Variants in TARBP1 observed in about 807,000 individuals in gnomAD.
TARBP1 encodes the protein tRNA guanosine 2 -O-methyltransferase TARBP1.
TARBP1 carries 144 observed loss-of-function variants against 178.6 expected under a neutral mutation model. That is an observed-to-expected ratio of 0.81 (90% CI 0.70 to 0.93). The LOEUF is 0.93. TARBP1 is among the 40% of genes least tolerant of loss of function. TARBP1 has a pLI of 0.00. For missense variants in TARBP1, 2,067 were observed against 2,011.7 expected, an observed-to-expected ratio of 1.03 and a Z score of -0.53; for synonymous variants, 787 against 781.0, an observed-to-expected ratio of 1.01 and a Z score of -0.13.
At chr1:234,413,000 C>T (rs1470966736) in intron 22 of TARBP1, among the ~76,000 whole-genome samples, 4 of 152,230 alleles carry the variant, frequency 2.6e-5, no homozygotes, top group African/African-American at 4.8e-5. Flanking sequence ...TGCGCCCCCT[C>T]GACCCCCGAC....
intron 18 of TARBP1, 93 bp from the exon 19 acceptor site, chr1:234,427,481 C>A (rs983569913): frequency 2.1e-6 from 3 of 1,440,596 alleles, no homozygotes; most frequent in African/African-American, 2.9e-5. Flanking sequence ...AATTTATATT[C>A]TTTTAATTGA....
intron 24 of TARBP1, among the ~76,000 whole-genome samples, chr1:234,403,429 C>T (rs989124380): frequency 6.6e-6 from 1 of 152,198 alleles, no homozygotes; most frequent in African/African-American, 2.4e-5. Context: ...ATTTCCTCAT[C>T]ACCACATTTA....
intron 26 of TARBP1, 181 bp downstream of exon 26, chr1:234,398,201 C>T: frequency 2.8e-6 from 1 of 355,130 alleles, no homozygotes; most frequent in East Asian, 4.7e-5. Context: ...CTAAGTTTCA[C>T]TAAAAGTGTT....
intron 11 of TARBP1, 131 bp from the exon 12 acceptor site, chr1:234,447,106 G>C: frequency 1.1e-6 from 1 of 951,006 alleles, no homozygotes; most frequent in South Asian, 1.4e-5. Flanking sequence ...GAAAGACCCA[G>C]ACAACCAGCA....
chr1:234,448,330 A>G, intron 11 of TARBP1, 150 bp downstream of exon 11: 2 of 613,304 alleles, frequency 3.3e-6, no homozygotes, highest in Non-Finnish European at 5.7e-6. Flanking sequence ...ATTAACTTTA[A>G]ACATTTCTTC....
intron 7 of TARBP1, 91 bp from the exon 8 acceptor site, chr1:234,459,417 C>A: frequency 1.0e-6 from 1 of 963,736 alleles, no homozygotes; most frequent in South Asian, 1.6e-5. Flanking sequence ...ATAACAACTA[C>A]ACTTCCTAAT....
intron 6 of TARBP1, among the ~76,000 whole-genome samples, chr1:234,461,243 T>C (rs909241779): frequency 6.6e-6 from 1 of 152,238 alleles, no homozygotes; most frequent in African/African-American, 2.4e-5. Context: ...AAGATAAGTA[T>C]TCTACTGTAC....
At chr1:234,404,559 G>T (rs1371437918) in intron 24 of TARBP1, among the ~76,000 whole-genome samples, 3 of 152,290 alleles carry the variant, frequency 2.0e-5, no homozygotes, top group South Asian at 2.1e-4. Flanking sequence ...CCCTTGAAAA[G>T]ATCAAGATTT....
intron 1 of TARBP1, among the ~76,000 whole-genome samples, chr1:234,475,755 C>G (rs1483507834): frequency 6.6e-6 from 1 of 152,246 alleles, no homozygotes; most frequent in African/African-American, 2.4e-5. Context: ...AGCAGTCTAC[C>G]CCTGAGGGAG....
At chr1:234,423,473 G>C (rs1207355733) in intron 20 of TARBP1, among the ~76,000 whole-genome samples, 2 of 152,102 alleles carry the variant, frequency 1.3e-5, no homozygotes, top group African/African-American at 4.8e-5. Context: ...ACTCCTAAGA[G>C]ACTCTATACT....
intron 9 of TARBP1, among the ~76,000 whole-genome samples, chr1:234,453,014 A>G (rs1481697689): frequency 6.6e-6 from 1 of 152,188 alleles, no homozygotes; most frequent in Non-Finnish European, 1.5e-5. Context: ...AAAAGACAAA[A>G]CTATAGAGAG....
In TARBP1 at chr1:234,391,348, A is replaced by G. The variant is rs765464504; in HGVS notation, c.*229T>C. 118 of 396,534 alleles carry G rather than the reference A, an allele frequency of 3.0e-4. No individual in the cohort carries two copies. Among genetic ancestry groups the G allele is most frequent in the Middle Eastern group, 1.4e-3 (2 of 1,480 alleles). 24.6% of individuals were successfully genotyped at this position (396,534 alleles called of 1,614,324 possible). On this transcript the variant is annotated 3_prime_UTR_variant, in exon 30 of 30. Transcript: ENST00000040877. ...AAAAATCCATTGTTTTATTTCCACAATTGCTTAAAATATTTTATTAAAGGA... is the reference window on the plus strand; with the variant it reads ...AAAAATCCATTGTTTTATTTCCACAGTTGCTTAAAATATTTTATTAAAGGA...
chr1:234,478,917 C>G lies in TARBP1; in HGVS notation c.187G>C (p.Glu63Gln). 1 of 1,427,246 alleles carries G rather than the reference C, an allele frequency of 7.0e-7. No individual in the cohort carries two copies. The allele number at this position is 1,427,246 out of a possible 1,614,324, so 88.4% of individuals were successfully genotyped here. The change falls in exon 1 of 30, where the codon GAG becomes CAG. Residue 63 changes from glutamate to glutamine, a missense_variant. Coordinates refer to ENST00000040877, the MANE Select transcript of TARBP1 (RefSeq NM_005646.4). ...GGCACGAGGTACCCTGCAGCCACCT[C>G]GCGCGCCGCCTCCGGGAGCGCGCCT... Reference protein sequence around the residue: ...GAGALPEAAREVAAGYLVPLL... With the variant: ...GAGALPEAARQVAAGYLVPLL...
At position 234,457,720 on chromosome 1, in the gene TARBP1, T is replaced by C; in HGVS notation, c.1669A>G (p.Met557Val). Residue 557 changes from methionine (M) to valine (V), a missense_variant, in exon 9 of 30, where the codon ATG becomes GTG. Met to Val is a conservative substitution (Grantham distance 21). Transcript: ENST00000040877. ...VSLSDVSTFL[M>V]SLRQEESLGR... Reference sequence around the variant, plus strand: ...AAGGATTCCTCTTGTCTCAGAGACATGAGAAAAGTTGAGACATCAGAAAGT... The same window carrying C: ...AAGGATTCCTCTTGTCTCAGAGACACGAGAAAAGTTGAGACATCAGAAAGT... 1.4e-5 allele frequency: 23 copies of C among 1,609,736 alleles called. No individual in the cohort carries two copies. Among genetic ancestry groups the C allele is most frequent in the Non-Finnish European group, 1.9e-5 (22 of 1,177,016 alleles).
chr1:234,418,316 A>G (rs761756534), intron 21 of TARBP1, 83 bp from the exon 22 acceptor site: 134 of 1,256,488 alleles, frequency 1.1e-4, no homozygotes, highest in Non-Finnish European at 1.4e-4. Flanking sequence ...AAAATAGCTT[A>G]AAGTTTTTAT....
intron 12 of TARBP1, among the ~76,000 whole-genome samples, chr1:234,445,643 G>A (rs905129991): frequency 6.6e-6 from 1 of 152,008 alleles, no homozygotes; most frequent in Non-Finnish European, 1.5e-5. Flanking sequence ...ATCTTCTTGA[G>A]GAATATCTAT....
intron 1 of TARBP1, among the ~76,000 whole-genome samples, chr1:234,477,338 G>C (rs1489658779): frequency 6.6e-6 from 1 of 152,194 alleles, no homozygotes; most frequent in Non-Finnish European, 1.5e-5. Flanking sequence ...ACTCTCTAAT[G>C]TTTTAAAATT....
intron 3 of TARBP1, among the ~76,000 whole-genome samples, chr1:234,469,402 A>G (rs1558256543): frequency 6.6e-6 from 1 of 152,120 alleles, no homozygotes; most frequent in Admixed American, 6.5e-5. Flanking sequence ...TTGGTTTCTC[A>G]AGAGCTGTGG....
At position 234,393,735 on chromosome 1, in the gene TARBP1, A is replaced by G; in HGVS notation, c.4346T>C (p.Leu1449Pro). Reference sequence around the variant, plus strand: ...AAGTCTGGCAGCACGATCCTGAAACAGGAGCTCCAGGTCTAAGTCGGAAAC... The same window carrying G: ...AAGTCTGGCAGCACGATCCTGAAACGGGAGCTCCAGGTCTAAGTCGGAAAC... ...SRVSDLDLEL[L>P]FQDRAARLGK... Residue 1449 changes from leucine (L) to proline (P), a missense_variant, in exon 27 of 30, where the codon CTG (leucine) becomes CCG (proline). By Grantham distance (98) the Leu-to-Pro change is moderately conservative. Transcript: ENST00000040877. 2 of 1,614,038 alleles carry G rather than the reference A, an allele frequency of 1.2e-6. No individual in the cohort carries two copies. The highest frequency in any genetic ancestry group is 1.7e-6 in the Non-Finnish European group (2 of 1,180,020).
Sources: allele counts gnomAD v4.1 joint callset (sites outside exome capture counted in the v4.1 genomes callset), GRCh38; gene constraint gnomAD v4.1.1; transcripts MANE v1.5; gene names NCBI Gene and HGNC (gene_info 2026-07-23, HGNC 2026-07-21).